The following PPM1L variants were observed in gnomAD, a reference collection of about 807,000 sequenced individuals.
PPM1L encodes the protein protein phosphatase, Mg2+/Mn2+ dependent 1L, also known as protein phosphatase 1L.
PPM1L carries 13 observed loss-of-function variants against 31.4 expected under a neutral mutation model. The observed-to-expected ratio is 0.41, with a 90% CI of 0.27 to 0.66. The LOEUF (loss-of-function observed/expected upper bound fraction) is 0.66. PPM1L is among the 30% of genes least tolerant of loss of function. The pLI, the probability that PPM1L is intolerant of heterozygous loss-of-function variation, is 0.29. For missense variants in PPM1L, 326 were observed against 453.7 expected, an observed-to-expected ratio of 0.72 and a Z score of 2.56; for synonymous variants, 184 against 175.4, an observed-to-expected ratio of 1.05 and a Z score of -0.39.
chr3:160,804,101 T>C (rs1183324988), intron 1 of PPM1L, among the ~76,000 whole-genome samples: 1 of 151,498 alleles, frequency 6.6e-6, no homozygotes, highest in East Asian at 1.9e-4. Context: ...TTCTTTTTTT[T>C]TTTTCTATTT....
At chr3:161,018,918 A>C (rs1718161369) in intron 2 of PPM1L, among the ~76,000 whole-genome samples, 1 of 152,160 alleles carries the variant, frequency 6.6e-6, no homozygotes, top group South Asian at 2.1e-4. Flanking sequence ...ACATTATATT[A>C]AAGGCTTTGT....
rs146013560 is a variant in PPM1L, at chr3:160,831,498, T to C, written c.399+74791T>C. Among the ~76,000 whole-genome samples the C allele has an allele frequency of 6.2e-4, 94 of 152,336 alleles. 1 individual carries two copies. The highest frequency in any genetic ancestry group is 2.1e-3 in the African/African-American group (86 of 41,580). Reference sequence around the variant, plus strand: ...TTCTGTTTCAAATATTATTCCAAGTTAATCTAAGTCAACTAGCATGACCTC... The same window carrying C: ...TTCTGTTTCAAATATTATTCCAAGTCAATCTAAGTCAACTAGCATGACCTC... On this transcript the variant is annotated intron_variant, in intron 1 of 3. Coordinates refer to ENST00000498165, the MANE Select transcript of PPM1L (RefSeq NM_139245.4).
At chr3:160,831,935 T>C (rs1331588123) in intron 1 of PPM1L, among the ~76,000 whole-genome samples, 1 of 152,208 alleles carries the variant, frequency 6.6e-6, no homozygotes, top group Non-Finnish European at 1.5e-5. Flanking sequence ...CCCTGTATTG[T>C]TCTACAAGTA....
intron 1 of PPM1L, among the ~76,000 whole-genome samples, chr3:160,859,248 T>C (rs1711815246): frequency 6.6e-6 from 1 of 152,164 alleles, no homozygotes; most frequent in Non-Finnish European, 1.5e-5. Flanking sequence ...AAAGGCTTTT[T>C]TGATTGTTGT....
intron 1 of PPM1L, among the ~76,000 whole-genome samples, chr3:160,838,074 A>G (rs1266364201): frequency 6.6e-6 from 1 of 152,188 alleles, no homozygotes; most frequent in African/African-American, 2.4e-5. Flanking sequence ...AGTTTCAGCT[A>G]CTAACTGGTG....
At chr3:161,007,517 A>G (rs1235703966) in intron 2 of PPM1L, among the ~76,000 whole-genome samples, 1 of 152,214 alleles carries the variant, frequency 6.6e-6, no homozygotes, top group African/African-American at 2.4e-5. Context: ...GTTGGTGCTA[A>G]CTTTTTGGGT....
intron 1 of PPM1L, among the ~76,000 whole-genome samples, chr3:160,925,903 T>C (rs544758360): frequency 2.0e-5 from 3 of 152,282 alleles, no homozygotes; most frequent in East Asian, 3.9e-4. Context: ...AAGGATCTTC[T>C]TGAGAGAGGT....
At chr3:160,910,243 T>TCCTTTC (rs1713914039) in intron 1 of PPM1L, among the ~76,000 whole-genome samples, 5 of 28,944 alleles carry the variant, frequency 1.7e-4, no homozygotes, top group South Asian at 1.9e-3. Context: ...CCTTCCCCTT[T>TCCTTTC]CCTTTCCCCT....
At chr3:160,940,120 C>T (rs1404211241) in intron 1 of PPM1L, among the ~76,000 whole-genome samples, 1 of 152,082 alleles carries the variant, frequency 6.6e-6, no homozygotes, top group South Asian at 2.1e-4. Context: ...ATTTGTGGAA[C>T]TTTGAACTGG....
intron 1 of PPM1L, among the ~76,000 whole-genome samples, chr3:160,758,416 A>G (rs1329419915): frequency 6.6e-6 from 1 of 151,952 alleles, no homozygotes; most frequent in Non-Finnish European, 1.5e-5. Flanking sequence ...TATATTTATT[A>G]TATATTTTTA....
chr3:160,880,466 G>T (rs567762029), intron 1 of PPM1L, among the ~76,000 whole-genome samples: 23 of 152,068 alleles, frequency 1.5e-4, no homozygotes, highest in African/African-American at 4.8e-4. Flanking sequence ...GAGAAGAAAT[G>T]CAATAACATT....
At chr3:160,866,989 G>A (rs1712114353) in intron 1 of PPM1L, among the ~76,000 whole-genome samples, 1 of 152,142 alleles carries the variant, frequency 6.6e-6, no homozygotes, top group Non-Finnish European at 1.5e-5. Flanking sequence ...CCATAGGCAT[G>A]TGCCACCACA....
At chr3:160,831,687 T>A (rs962291092) in intron 1 of PPM1L, among the ~76,000 whole-genome samples, 1 of 152,166 alleles carries the variant, frequency 6.6e-6, no homozygotes, top group African/African-American at 2.4e-5. Context: ...TGAAAGGCTG[T>A]TTGTGAGGAG....
At chr3:160,861,798 G>A (rs764822509) in intron 1 of PPM1L, among the ~76,000 whole-genome samples, 1 of 152,208 alleles carries the variant, frequency 6.6e-6, no homozygotes, top group Non-Finnish European at 1.5e-5. Context: ...GGCTCTAGGG[G>A]AGAATTTGCT....
At chr3:161,066,556 T>A (rs1164606974) in intron 3 of PPM1L, among the ~76,000 whole-genome samples, 1 of 152,206 alleles carries the variant, frequency 6.6e-6, no homozygotes, top group Non-Finnish European at 1.5e-5. Flanking sequence ...TAATTATCAG[T>A]TGATTATTAC....
At chr3:160,930,305 A>G (rs1714741028) in intron 1 of PPM1L, among the ~76,000 whole-genome samples, 1 of 152,214 alleles carries the variant, frequency 6.6e-6, no homozygotes, top group Non-Finnish European at 1.5e-5. Flanking sequence ...TGCTACACAA[A>G]TGTGGGGAAT....
chr3:161,058,771 A>G (rs1162090833), intron 2 of PPM1L, among the ~76,000 whole-genome samples: 1 of 152,114 alleles, frequency 6.6e-6, no homozygotes, highest in Non-Finnish European at 1.5e-5. Context: ...TACTGAACAA[A>G]TCGTTATTAC....
At chr3:161,047,649 A>G (rs938944676) in intron 2 of PPM1L, among the ~76,000 whole-genome samples, 1 of 152,192 alleles carries the variant, frequency 6.6e-6, no homozygotes, top group Non-Finnish European at 1.5e-5. Flanking sequence ...AGCCAAAAGA[A>G]CAAAGCTGGA....
intron 1 of PPM1L, among the ~76,000 whole-genome samples, chr3:160,942,334 A>G (rs377718599): frequency 2.6e-5 from 4 of 151,976 alleles, no homozygotes; most frequent in South Asian, 2.1e-4. Context: ...GACTCAAGCA[A>G]TCCTCCCACC....
Sources: gnomAD v4.1 joint callset for allele counts (sites outside exome capture counted in the v4.1 genomes callset) on GRCh38, gnomAD v4.1.1 for gene constraint, MANE v1.5 for transcripts, NCBI Gene and HGNC (gene_info 2026-07-23, HGNC 2026-07-21) for gene names.